Variants in RABGEF1 observed in about 807,000 individuals in gnomAD.
RABGEF1 encodes the protein RAB guanine nucleotide exchange factor 1, also known as rab5 GDP/GTP exchange factor.
A neutral mutation model predicts 57.3 loss-of-function variants in RABGEF1; 26 were observed. That is an observed-to-expected ratio of 0.45 (90% CI 0.33 to 0.63). The LOEUF is 0.63. RABGEF1 is among the 20% of genes least tolerant of loss of function. The pLI is 0.02. For synonymous variants in RABGEF1, 185 were observed against 210.7 expected (o/e 0.88, Z 1.06); for missense variants, 464 against 607.6 (o/e 0.76, Z 2.48).
At chr7:66,677,559 G>A (rs561484978), upstream of RABGEF1, among the ~76,000 whole-genome samples, 3 of 152,040 alleles carry the variant, frequency 2.0e-5, no homozygotes, top group East Asian at 1.9e-4. Context: ...TCAGGAGATC[G>A]AGACCATCCT....
chr7:66,694,898 C>G (rs996386510), intron 1 of RABGEF1, among the ~76,000 whole-genome samples: 2 of 152,106 alleles, frequency 1.3e-5, no homozygotes, highest in African/African-American at 4.8e-5. Context: ...CCTGTGGGTC[C>G]CCAGGTGGAG....
intron 1 of RABGEF1, among the ~76,000 whole-genome samples, chr7:66,760,996 T>C (rs1165261905): frequency 6.6e-6 from 1 of 152,214 alleles, no homozygotes; most frequent in Non-Finnish European, 1.5e-5. Context: ...CCTGTTATTC[T>C]ATGGTCTCTA....
intron 3 of RABGEF1, among the ~76,000 whole-genome samples, chr7:66,781,536 C>T (rs1394277204): frequency 6.6e-6 from 1 of 152,094 alleles, no homozygotes; most frequent in South Asian, 2.1e-4. Flanking sequence ...CCCAATAGGC[C>T]ACGGTGTGTG....
chr7:66,671,030 T>G, the RABGEF1 span, among the ~76,000 whole-genome samples: 77,575 of 151,214 alleles, frequency 0.51, 20,789 homozygotes, highest in African/African-American at 0.68. Context: ...TATATATATA[T>G]ATAGAGAGAG....
chr7:66,713,885 A>G (rs1429659970), intron 2 of RABGEF1, among the ~76,000 whole-genome samples: 1 of 152,172 alleles, frequency 6.6e-6, no homozygotes. Flanking sequence ...TTGATTTCAG[A>G]TATTGAACCA....
At chr7:66,759,669 C>T (rs544778769) in intron 1 of RABGEF1, among the ~76,000 whole-genome samples, 76 of 152,234 alleles carry the variant, frequency 5.0e-4, no homozygotes, top group African/African-American at 1.7e-3. Context: ...CAAAGTGTCT[C>T]CCCTAGTGGG....
chr7:66,801,451 C>A (rs1283121295), intron 7 of RABGEF1, among the ~76,000 whole-genome samples: 1 of 152,018 alleles, frequency 6.6e-6, no homozygotes, highest in Non-Finnish European at 1.5e-5. Flanking sequence ...GACTATAGTT[C>A]CCCTGTCGTG....
At chr7:66,754,781 G>A (rs1802307511) in intron 1 of RABGEF1, among the ~76,000 whole-genome samples, 1 of 152,172 alleles carries the variant, frequency 6.6e-6, no homozygotes, top group Non-Finnish European at 1.5e-5. Flanking sequence ...CTAAACCAGT[G>A]TGGGCGTGTG....
chr7:66,693,811 C>CTTT (rs534419507), intron 1 of RABGEF1, among the ~76,000 whole-genome samples: 1 of 141,872 alleles, frequency 7.0e-6, no homozygotes, highest in African/African-American at 2.6e-5. Context: ...CCTTTTTTTT[C>CTTT]TTTTTTTTTT....
intron 2 of RABGEF1, among the ~76,000 whole-genome samples, chr7:66,730,966 T>C (rs1264462188): frequency 6.6e-6 from 1 of 152,020 alleles, no homozygotes; most frequent in Non-Finnish European, 1.5e-5. Context: ...TCGGGGAGAA[T>C]TGCCTGAGGT....
At chr7:66,705,423 C>T (rs375751006) in intron 1 of RABGEF1, among the ~76,000 whole-genome samples, 2 of 106,578 alleles carry the variant, frequency 1.9e-5, no homozygotes, top group Admixed American at 1.4e-4. Context: ...GGCAACAGAG[C>T]GAAACTCCAT....
intron 1 of RABGEF1, among the ~76,000 whole-genome samples, chr7:66,685,903 G>C (rs1790552083): frequency 6.6e-6 from 1 of 152,192 alleles, no homozygotes; most frequent in South Asian, 2.1e-4. Context: ...TCCCTCAAAT[G>C]TAGGAAATAC....
intron 3 of RABGEF1, among the ~76,000 whole-genome samples, chr7:66,775,865 T>C (rs1162722305): frequency 6.6e-6 from 1 of 152,142 alleles, no homozygotes; most frequent in Admixed American, 6.5e-5. Context: ...TGAGAACATA[T>C]AGGAAAAGGC....
At chr7:66,729,934 T>C (rs1232316589) in intron 2 of RABGEF1, among the ~76,000 whole-genome samples, 2 of 152,160 alleles carry the variant, frequency 1.3e-5, no homozygotes, top group Non-Finnish European at 2.9e-5. Flanking sequence ...TGGCTCATCA[T>C]CAGGGCCACC....
chr7:66,738,016 T>TTG (rs1798221611), upstream of RABGEF1, among the ~76,000 whole-genome samples: 1 of 132,324 alleles, frequency 7.6e-6, no homozygotes, highest in Non-Finnish European at 1.7e-5. Context: ...TGTTTTTTGT[T>TTG]TTTTTTGTTT....
chr7:66,714,929 C>T lies in RABGEF1; in HGVS notation c.-815+2705C>T, dbSNP rs375586083. On this transcript the variant is annotated intron_variant and NMD_transcript_variant, in intron 2 of 9. Coordinates refer to the RABGEF1 transcript ENST00000607882. ...CAGCCTGGGCGACAGAGCGAGACTCCGTCTCAAAAAAACAAAACAAAACAA... is the reference window on the plus strand; with the variant it reads ...CAGCCTGGGCGACAGAGCGAGACTCTGTCTCAAAAAAACAAAACAAAACAA... Among the ~76,000 whole-genome samples the T allele has an allele frequency of 1.2e-3, 184 of 152,134 alleles. 1 individual carries two copies. The highest frequency in any genetic ancestry group is 6.8e-3 in the Middle Eastern group (2 of 294).
intron 1 of RABGEF1, among the ~76,000 whole-genome samples, chr7:66,685,747 T>C (rs1790526440): frequency 6.6e-6 from 1 of 152,254 alleles, no homozygotes; most frequent in Non-Finnish European, 1.5e-5. Context: ...CTCATTGTGA[T>C]GTCTACATAT....
At chr7:66,674,523 A>C in the RABGEF1 span, among the ~76,000 whole-genome samples, 1 of 152,068 alleles carries the variant, frequency 6.6e-6, no homozygotes, top group Non-Finnish European at 1.5e-5. Context: ...TCCCAGCTTT[A>C]CTCATAATAG....
At chr7:66,715,150 C>T (rs1468545095) in intron 2 of RABGEF1, among the ~76,000 whole-genome samples, 1 of 151,876 alleles carries the variant, frequency 6.6e-6, no homozygotes, top group East Asian at 1.9e-4. Flanking sequence ...TCTCCTGAGA[C>T]AGGGTCTCAC....
Sources: gnomAD v4.1 joint callset for allele counts (sites outside exome capture counted in the v4.1 genomes callset) on GRCh38, gnomAD v4.1.1 for gene constraint, MANE v1.5 for transcripts, NCBI Gene and HGNC (gene_info 2026-07-23, HGNC 2026-07-21) for gene names.